NR1I2: variants seen among roughly 807,000 people sequenced by gnomAD.
The protein encoded by NR1I2 is orphan nuclear receptor PAR1.
NR1I2 carries 42 observed loss-of-function variants against 43.3 expected under a neutral mutation model. The ratio of observed to expected loss-of-function variants is 0.97; its 90% CI spans 0.76 to 1.26. The LOEUF is 1.26. Among genes scored for constraint, NR1I2 ranks in the 50% most tolerant of loss-of-function variants. NR1I2 has a pLI of 0.00. For missense variants in NR1I2, 559 were observed against 566.7 expected (o/e 0.99, Z 0.14); for synonymous variants, 229 against 215.0 (o/e 1.06, Z -0.57).
In NR1I2 at chr3:119,792,409, G is replaced by A; in HGVS notation, c.-23+10109G>A. 2.4e-6 allele frequency: 3 copies of A among 1,258,218 alleles called. No homozygotes were observed. The South Asian group carries it at 3.6e-5, about 15-fold the overall frequency. 77.9% of individuals were successfully genotyped at this position (1,258,218 alleles called of 1,614,324 possible). A position where few individuals can be genotyped will look rare whatever the true frequency, so the allele number is the denominator to read the frequency against. On this transcript the variant is annotated intron_variant, in intron 1 of 8. Coordinates refer to ENST00000393716, the MANE Select transcript of NR1I2 (RefSeq NM_003889.4). ...GCTCAGCAGGATGCAGAGAGGGCCA[G>A]AACTCACTGGCCACTGCAGGGGACG...
chr3:119,807,210 G>A lies in NR1I2; in HGVS notation c.-22-19G>A, dbSNP rs752902493. 1.9e-6 allele frequency: 3 copies of A among 1,605,978 alleles called. No individual in the cohort carries two copies. On this transcript the variant is annotated intron_variant, in intron 1 of 8. Coordinates refer to ENST00000393716, the MANE Select transcript of NR1I2 (RefSeq NM_003889.4). ...TCCCTGTCCAGTCTTTTCATTCTCT[G>A]TGGTTTTCTCATTTCTAGTCCAAGA...
At chr3:119,809,792 C>T (rs1450715027) in intron 2 of NR1I2, among the ~76,000 whole-genome samples, 1 of 152,102 alleles carries the variant, frequency 6.6e-6, no homozygotes, top group Non-Finnish European at 1.5e-5. Context: ...TGGGGCTGCC[C>T]GCGCCAGCGA....
chr3:119,806,977 C>T (rs1447750607), intron 1 of NR1I2, among the ~76,000 whole-genome samples: 1 of 152,150 alleles, frequency 6.6e-6, no homozygotes, highest in Non-Finnish European at 1.5e-5. Context: ...TCCCTCTTAC[C>T]CTTATCTTTC....
In NR1I2 at chr3:119,817,512, T is replaced by A; in HGVS notation, c.*300T>A. 1.6e-6 allele frequency: 2 copies of A among 1,259,922 alleles called. No individual in the cohort carries two copies. The highest frequency in any genetic ancestry group is 1.5e-5 in the African/African-American group (1 of 65,430). The allele number at this position is 1,259,922 out of a possible 1,614,324, so 78.0% of individuals were successfully genotyped here. A position where few individuals can be genotyped will look rare whatever the true frequency, so the allele number is the denominator to read the frequency against. On this transcript the variant is annotated 3_prime_UTR_variant, in exon 9 of 9. Transcript: ENST00000393716. ...TGCCCTTTCCTTTTAAAAGGCCCTG[T>A]GGTCTGGGGAGAAATCCCTCAGATC...
intron 1 of NR1I2, among the ~76,000 whole-genome samples, chr3:119,806,260 G>A (rs1479207869): frequency 6.6e-6 from 1 of 152,046 alleles, no homozygotes; most frequent in Admixed American, 6.6e-5. Flanking sequence ...GTTGCCTGGG[G>A]AGGACATCCT....
At chr3:119,792,680 A>G in intron 1 of NR1I2, 1 of 511,460 alleles carries the variant, frequency 2.0e-6, no homozygotes, top group Non-Finnish European at 3.6e-6. Flanking sequence ...AAAGTGAAGG[A>G]AATACAGATA....
chr3:119,794,540 C>T (rs972421958), intron 1 of NR1I2, among the ~76,000 whole-genome samples: 1 of 148,330 alleles, frequency 6.7e-6, no homozygotes, highest in Admixed American at 6.8e-5. Context: ...ATTGTCCAGG[C>T]TGGTCTCATA....
chr3:119,804,207 T>TA (rs978085185), intron 1 of NR1I2, among the ~76,000 whole-genome samples: 5 of 149,516 alleles, frequency 3.3e-5, no homozygotes, highest in African/African-American at 7.3e-5. Flanking sequence ...CTGTCTCTAC[T>TA]AAAAAAAATA....
At chr3:119,813,248 C>T (rs528214716) in intron 5 of NR1I2, among the ~76,000 whole-genome samples, 7 of 152,286 alleles carry the variant, frequency 4.6e-5, no homozygotes, top group South Asian at 2.1e-4. Flanking sequence ...AGAACACATC[C>T]GAAGAACACC....
chr3:119,792,619 C>G (rs2054936934), intron 1 of NR1I2: 2 of 602,546 alleles, frequency 3.3e-6, no homozygotes, highest in Admixed American at 5.3e-5. Context: ...TTAACACTGC[C>G]TTCCTTCTGC....
chr3:119,798,025 C>T (rs369741880), intron 1 of NR1I2, among the ~76,000 whole-genome samples: 1 of 151,808 alleles, frequency 6.6e-6, no homozygotes, highest in African/African-American at 2.4e-5. Context: ...TTCTTGTCAT[C>T]GATTCCCAGC....
At position 119,817,233 on chromosome 3, in the gene NR1I2, C is replaced by A. The variant is rs764824840; in HGVS notation, c.*21C>A. ...GCTGAGCGGCTGCCCTTGGGTGACA[C>A]CTCCGAGAGGCAGCCAGACCCAGAG... On this transcript the variant is annotated 3_prime_UTR_variant, in exon 9 of 9. Transcript: ENST00000393716. The A allele has an allele frequency of 4.3e-6, 7 of 1,613,010 alleles. No homozygotes were observed. In the Admixed American group the frequency reaches 1.0e-4, roughly 23 times the overall value.
chr3:119,811,739 G>A lies in NR1I2; in HGVS notation c.519+13G>A. ...CAAGAATTTCCGGGTAGGAGGAACTGCACAGTGACCCGAGGTGTCACTGCC... is the reference window on the plus strand; with the variant it reads ...CAAGAATTTCCGGGTAGGAGGAACTACACAGTGACCCGAGGTGTCACTGCC... On this transcript the variant is annotated intron_variant, in intron 4 of 8. Coordinates refer to ENST00000393716, the MANE Select transcript of NR1I2 (RefSeq NM_003889.4). 1.3e-6 allele frequency: 2 copies of A among 1,596,976 alleles called. No individual in the cohort carries two copies. The highest frequency in any genetic ancestry group is 2.3e-5 in the South Asian group (2 of 88,506).
chr3:119,808,790 T>G (rs1301004300), intron 2 of NR1I2, among the ~76,000 whole-genome samples: 2 of 152,120 alleles, frequency 1.3e-5, no homozygotes, highest in Admixed American at 6.5e-5. Flanking sequence ...AGATTATGAG[T>G]TTCACAGGGT....
intron 5 of NR1I2, among the ~76,000 whole-genome samples, 196 bp from the exon 6 acceptor site, chr3:119,814,783 C>T (rs149936917): frequency 2.6e-5 from 4 of 152,188 alleles, no homozygotes; most frequent in South Asian, 2.1e-4. Context: ...GAGGATGCTG[C>T]GGGGCAGAGC....
chr3:119,808,408 C>G (rs561312670), intron 2 of NR1I2, among the ~76,000 whole-genome samples: 1 of 152,222 alleles, frequency 6.6e-6, no homozygotes, highest in South Asian at 2.1e-4. Context: ...TGGCTAGAGC[C>G]GGGCCCAGCC....
intron 1 of NR1I2, among the ~76,000 whole-genome samples, chr3:119,787,042 C>T (rs2054851620): frequency 1.3e-5 from 2 of 152,010 alleles, no homozygotes; most frequent in Admixed American, 1.3e-4. Context: ...AATCCCAGCA[C>T]CTTGGGAGGC....
intron 1 of NR1I2, among the ~76,000 whole-genome samples, chr3:119,784,957 T>C (rs2054824301): frequency 6.6e-6 from 1 of 152,236 alleles, no homozygotes; most frequent in South Asian, 2.1e-4. Flanking sequence ...CTCTTAATAG[T>C]TATAAAAGCT....
chr3:119,792,371 A>C, intron 1 of NR1I2: 1 of 1,375,822 alleles, frequency 7.3e-7, no homozygotes, highest in Non-Finnish European at 1.0e-6. Context: ...AAGCAGTGGA[A>C]GCCAAACAGG....
Sources: gnomAD v4.1 joint callset for allele counts (sites outside exome capture counted in the v4.1 genomes callset) on GRCh38, gnomAD v4.1.1 for gene constraint, MANE v1.5 for transcripts, NCBI Gene and HGNC (gene_info 2026-07-23, HGNC 2026-07-21) for gene names.